Variants in RAD51C observed in about 807,000 individuals in gnomAD.
RAD51C encodes DNA repair protein RAD51 homolog 3.
RAD51C carries 42 observed loss-of-function variants against 45.0 expected under a neutral mutation model. The ratio of observed to expected loss-of-function variants is 0.93; its 90% CI spans 0.73 to 1.21. The LOEUF is 1.21. Among genes scored for constraint, RAD51C ranks in the 50% most tolerant of loss-of-function variants. RAD51C has a pLI of 0.00. For synonymous variants in RAD51C, 172 were observed against 159.8 expected (o/e 1.08, Z -0.58); for missense variants, 474 against 452.2 (o/e 1.05, Z -0.44).
At position 58,734,175 on chromosome 17, in the gene RAD51C, T is replaced by C; in HGVS notation, c.1084T>C (p.Ser362Pro). 6.2e-7 allele frequency: 1 copy of C among 1,613,788 alleles called. No homozygotes were observed. The highest frequency in any genetic ancestry group is 8.5e-7 in the Non-Finnish European group (1 of 1,179,840). The change falls in exon 9 of 9, where the codon TCC (serine) becomes CCC (proline). Residue 362 changes from serine to proline, a missense_variant. By Grantham distance (74) the Ser-to-Pro change is moderately conservative (BLOSUM62 -1). Transcript: ENST00000337432. ...TGCATGTTCATTGCAAACAGAAGGTTCCTTGAGCACCCGGAAACGGTCACG... is the reference window on the plus strand; with the variant it reads ...TGCATGTTCATTGCAAACAGAAGGTCCCTTGAGCACCCGGAAACGGTCACG... ...TSACSLQTEGSLSTRKRSRDP... is the reference protein window; with the variant it reads ...TSACSLQTEGPLSTRKRSRDP...
chr17:58,725,193 A>G (rs2143970924), intron 7 of RAD51C, among the ~76,000 whole-genome samples: 1 of 152,272 alleles, frequency 6.6e-6, no homozygotes, highest in East Asian at 1.9e-4. Context: ...ACTCTAAACC[A>G]GTATGACTGG....
At chr17:58,708,704 G>C (rs555974960) in intron 4 of RAD51C, among the ~76,000 whole-genome samples, 17 of 151,692 alleles carry the variant, frequency 1.1e-4, no homozygotes, top group South Asian at 4.2e-4. Flanking sequence ...TTTGCTTTGG[G>C]GGGGGCTTTC....
At chr17:58,732,306 A>G (rs2049460239) in intron 7 of RAD51C, 178 bp from the exon 8 acceptor site, 3 of 569,916 alleles carry the variant, frequency 5.3e-6, no homozygotes, top group Non-Finnish European at 9.1e-6. Context: ...TCTGTTATAT[A>G]CATACGGGTA....
At chr17:58,719,970 C>T (rs1025225009) in intron 5 of RAD51C, among the ~76,000 whole-genome samples, 9 of 150,758 alleles carry the variant, frequency 6.0e-5, no homozygotes, top group African/African-American at 1.9e-4. Flanking sequence ...CCTCGTGATC[C>T]GCTCACCCTG....
In RAD51C at chr17:58,695,090, CCTT is replaced by C. The variant is rs1064794253; in HGVS notation, c.308_310del (p.Phe103del). 1.2e-6 allele frequency: 2 copies of C among 1,614,074 alleles called. No individual in the cohort carries two copies. The highest frequency in any genetic ancestry group is 1.7e-6 in the Non-Finnish European group (2 of 1,180,016). On this transcript the variant is annotated inframe_deletion, in exon 2 of 9. Transcript: ENST00000337432. ...GAGCATACCCAGGGCTTCATAATCA[CCTT>C]CTGTTCAGCACTAGATGATATTCTT...
rs1064793934 is a variant in RAD51C at position 58,695,054 on chromosome 17, T to C, written c.269T>C (p.Leu90Pro). The C allele has an allele frequency of 6.2e-7, 1 of 1,614,150 alleles. No homozygotes were observed. Among genetic ancestry groups the C allele is most frequent in the Non-Finnish European group, 8.5e-7 (1 of 1,180,018 alleles). Residue 90 changes from leucine (L) to proline (P), a missense_variant, in exon 2 of 9, where the codon CTT (leucine) becomes CCT (proline). Leu to Pro is a moderately conservative substitution (Grantham distance 98, BLOSUM62 -3). Transcript: ENST00000337432. Reference sequence around the variant, plus strand: ...CACAAGAAGTGTACAGCACTGGAACTTCTTGAGCAGGAGCATACCCAGGGC... The same window carrying C: ...CACAAGAAGTGTACAGCACTGGAACCTCTTGAGCAGGAGCATACCCAGGGC... ...ESHKKCTALE[L>P]LEQEHTQGFI...
chr17:58,728,837 A>T (rs1420056896), intron 7 of RAD51C, among the ~76,000 whole-genome samples: 5 of 152,210 alleles, frequency 3.3e-5, no homozygotes. Flanking sequence ...TCCAACAGTT[A>T]TTAAAAGAAA....
intron 3 of RAD51C, among the ~76,000 whole-genome samples, chr17:58,702,439 A>C (rs775445931): frequency 1.3e-5 from 2 of 152,086 alleles, no homozygotes; most frequent in African/African-American, 4.8e-5. Flanking sequence ...CTGTAATCCC[A>C]GGCGTGAATT....
At chr17:58,706,346 C>T (rs542978294) in intron 4 of RAD51C, 289 of 178,740 alleles carry the variant, frequency 1.6e-3, no homozygotes, top group African/African-American at 6.6e-3. Flanking sequence ...AGAATCACTT[C>T]AACGCAGGAG....
In RAD51C at chr17:58,734,381, A is replaced by G; in HGVS notation, c.*159A>G. ...AAAAATACCTAAATATGATTCTGTGAAAGTTTTTCTAAAGCAGTATTCTGC... is the reference window on the plus strand; with the variant it reads ...AAAAATACCTAAATATGATTCTGTGGAAGTTTTTCTAAAGCAGTATTCTGC... On this transcript the variant is annotated 3_prime_UTR_variant, in exon 9 of 9. Transcript: ENST00000337432. 7 of 1,308,066 alleles carry G rather than the reference A, an allele frequency of 5.4e-6. No homozygotes were observed. Among genetic ancestry groups the G allele is most frequent in the Non-Finnish European group, 6.2e-6 (6 of 966,050 alleles). The allele number at this position is 1,308,066 out of a possible 1,614,324, so 81.0% of individuals were successfully genotyped here. A position where few individuals can be genotyped will look rare whatever the true frequency, so the allele number is the denominator to read the frequency against.
intron 7 of RAD51C, among the ~76,000 whole-genome samples, chr17:58,729,376 C>G (rs2049313478): frequency 6.6e-6 from 1 of 151,962 alleles, no homozygotes; most frequent in East Asian, 1.9e-4. Flanking sequence ...CACCACCACG[C>G]CTGGCTAATT....
intron 8 of RAD51C, among the ~76,000 whole-genome samples, chr17:58,733,820 G>A (rs1486334638): frequency 6.6e-6 from 1 of 152,134 alleles, no homozygotes; most frequent in Admixed American, 6.5e-5. Flanking sequence ...CCAGGTTCAA[G>A]CGATTCTCCT....
At chr17:58,719,264 G>A (rs897445065) in intron 5 of RAD51C, among the ~76,000 whole-genome samples, 2 of 152,110 alleles carry the variant, frequency 1.3e-5, no homozygotes, top group Middle Eastern at 3.4e-3. Context: ...TCAGGCTGGG[G>A]TACGGTGACA....
chr17:58,725,341 A>G (rs148168423), intron 7 of RAD51C, among the ~76,000 whole-genome samples: 30 of 152,272 alleles, frequency 2.0e-4, no homozygotes, highest in African/African-American at 6.7e-4. Context: ...AGATTTGGCA[A>G]CAGTTCTCCA....
At chr17:58,702,969 A>G (rs1437229041) in intron 3 of RAD51C, among the ~76,000 whole-genome samples, 2 of 152,220 alleles carry the variant, frequency 1.3e-5, no homozygotes, top group South Asian at 2.1e-4. Context: ...AAAATGGCAC[A>G]TGTATACATA....
intron 5 of RAD51C, among the ~76,000 whole-genome samples, chr17:58,712,647 C>T (rs2066572397): frequency 6.7e-6 from 1 of 149,266 alleles, no homozygotes; most frequent in Admixed American, 6.8e-5. Flanking sequence ...GGTGAAACCC[C>T]ATCTCTACTA....
chr17:58,726,944 C>A (rs1484890342), intron 7 of RAD51C, among the ~76,000 whole-genome samples: 1 of 152,066 alleles, frequency 6.6e-6, no homozygotes, highest in Non-Finnish European at 1.5e-5. Context: ...CCTCAGCCTC[C>A]CGAGTAGCTG....
intron 1 of RAD51C, chr17:58,694,656 G>C: frequency 2.5e-6 from 1 of 399,874 alleles, no homozygotes; most frequent in South Asian, 2.1e-5. Flanking sequence ...TGTATTTTTA[G>C]TAGAGACGGA....
intron 5 of RAD51C, among the ~76,000 whole-genome samples, chr17:58,716,550 C>T (rs1344530462): frequency 1.3e-5 from 2 of 151,708 alleles, no homozygotes; most frequent in African/African-American, 2.4e-5. Flanking sequence ...GCAACCTCCT[C>T]CTCCCGGGTT....
Sources: allele counts gnomAD v4.1 joint callset (sites outside exome capture counted in the v4.1 genomes callset), GRCh38; gene constraint gnomAD v4.1.1; transcripts MANE v1.5; gene names NCBI Gene and HGNC (gene_info 2026-07-23, HGNC 2026-07-21).